WDR12: variants seen among roughly 807,000 people sequenced by gnomAD.
The protein encoded by WDR12 is WD repeat domain 12.
A neutral mutation model predicts 64.3 loss-of-function variants in WDR12; 42 were observed. The ratio of observed to expected loss-of-function variants is 0.65; its 90% CI spans 0.51 to 0.84. The LOEUF (loss-of-function observed/expected upper bound fraction) is 0.84, where lower values mean the gene tolerates loss of function less well. Ranked by LOEUF, WDR12 falls within the 40% of genes least tolerant of loss-of-function variation. The probability of loss-of-function intolerance (pLI) is 0.00; values close to 1 mark genes in which losing one functional copy is unlikely to be tolerated. For missense variants in WDR12, 469 were observed against 494.6 expected (o/e 0.95, Z 0.49); for synonymous variants, 158 against 173.3 (o/e 0.91, Z 0.70).
chr2:202,910,124 C>T (rs148418955), intron 1 of WDR12, among the ~76,000 whole-genome samples: 79 of 152,152 alleles, frequency 5.2e-4, no homozygotes, highest in African/African-American at 1.6e-3. Context: ...ATTTTTTTAC[C>T]TTTTGGAGGG....
At chr2:202,883,476 A>G in intron 11 of WDR12, 133 bp downstream of exon 11, 1 of 1,137,704 alleles carries the variant, frequency 8.8e-7, no homozygotes, top group South Asian at 1.7e-5. Context: ...GCATATCAGT[A>G]TTTGTCACAT....
intron 11 of WDR12, 166 bp from the exon 12 acceptor site, chr2:202,882,949 T>C (rs1687981602): frequency 5.4e-6 from 3 of 559,902 alleles, no homozygotes; most frequent in Non-Finnish European, 9.5e-6. Context: ...CTCTTTTTCC[T>C]GTATCATTGG....
intron 11 of WDR12, 101 bp downstream of exon 11, chr2:202,883,507 CT>C (rs1282075290): frequency 3.7e-6 from 5 of 1,346,194 alleles, no homozygotes; most frequent in Non-Finnish European, 3.0e-6. Flanking sequence ...AACCATGAGG[CT>C]TTTTTTACTC....
chr2:202,896,252 A>C (rs1358494792), intron 5 of WDR12, 33 bp from the exon 6 acceptor site: 2 of 1,603,770 alleles, frequency 1.2e-6, no homozygotes, highest in Admixed American at 3.4e-5. Flanking sequence ...ATAAGAAACA[A>C]ATCAGTATAC....
In WDR12 at chr2:202,874,630, A is replaced by G. The variant is rs184192321; in HGVS notation, c.*6230T>C. On this transcript the variant is annotated 3_prime_UTR_variant, in exon 13 of 13. Transcript: ENST00000261015. ...AATCTGACATCACACAAAAAGCTCTATTTCTTCAAGGCATTCCAGTTTCTT... is the reference window on the plus strand; with the variant it reads ...AATCTGACATCACACAAAAAGCTCTGTTTCTTCAAGGCATTCCAGTTTCTT... Among the ~76,000 whole-genome samples the G allele has an allele frequency of 7.1e-3, 1,079 of 152,308 alleles. 11 individuals are homozygous for G. The highest frequency in any genetic ancestry group is 0.012 in the Non-Finnish European group (793 of 68,024).
In WDR12 at chr2:202,879,535, C is replaced by T. The variant is rs764980301; in HGVS notation, c.*1325G>A. 2 of 152,234 alleles carry T rather than the reference C, an allele frequency of 1.3e-5. No individual in the cohort carries two copies. Among genetic ancestry groups the T allele is most frequent in the Non-Finnish European group, 2.9e-5 (2 of 68,126 alleles). 9.4% of individuals were successfully genotyped at this position (152,234 alleles called of 1,614,324 possible). On this transcript the variant is annotated 3_prime_UTR_variant, in exon 13 of 13. Coordinates refer to ENST00000261015, the MANE Select transcript of WDR12 (RefSeq NM_018256.4). ...TCCTGGGTTCAACCAATTCTCCTGC[C>T]TCAGCCTCCCAAGTACTTGGGACCA...
At chr2:202,899,954 T>C (rs1423746603) in intron 3 of WDR12, among the ~76,000 whole-genome samples, 1 of 152,190 alleles carries the variant, frequency 6.6e-6, no homozygotes, top group African/African-American at 2.4e-5. Flanking sequence ...AGCAAGACCC[T>C]GTCTCCTAAC....
In WDR12 at chr2:202,895,130, A is replaced by G. The variant is rs1688215496; in HGVS notation, c.610-504T>C. Among the ~76,000 whole-genome samples, 3 of 152,234 alleles carry G rather than the reference A, an allele frequency of 2.0e-5. No individual in the cohort carries two copies. The South Asian group carries it at 6.2e-4, about 32-fold the overall frequency. ...ACTTTTCGGCTCAATATGAAAAATC[A>G]TAAATCTTCACCTTTGAATACAAGC... On this transcript the variant is annotated intron_variant, in intron 6 of 12. Coordinates refer to ENST00000261015, the MANE Select transcript of WDR12 (RefSeq NM_018256.4).
chr2:202,895,730 A>G (rs1378206644), intron 6 of WDR12, among the ~76,000 whole-genome samples: 1 of 138,738 alleles, frequency 7.2e-6, no homozygotes, highest in Non-Finnish European at 1.5e-5. Context: ...GGGTTTCTCC[A>G]TGTGGGTCAG....
At chr2:202,886,234 A>C (rs1305049309) in intron 8 of WDR12, among the ~76,000 whole-genome samples, 1 of 149,796 alleles carries the variant, frequency 6.7e-6, no homozygotes, top group Non-Finnish European at 1.5e-5. Flanking sequence ...AGGTGGGTGG[A>C]TCACTTGAGC....
chr2:202,894,151 G>T (rs1688200124), intron 7 of WDR12, among the ~76,000 whole-genome samples: 1 of 151,826 alleles, frequency 6.6e-6, no homozygotes. Context: ...AGAAATATAT[G>T]AATTTGTTGC....
chr2:202,882,153 C>T (rs1488296201), intron 12 of WDR12, among the ~76,000 whole-genome samples: 1 of 152,018 alleles, frequency 6.6e-6, no homozygotes, highest in Non-Finnish European at 1.5e-5. Context: ...TGGTTTTGAA[C>T]TCCTGGGCTC....
rs377050803 is a variant in WDR12, at chr2:202,911,334, TG to T, written c.41+101del. 9.7e-5 allele frequency: 109 copies of T among 1,125,398 alleles called. No homozygotes were observed. The African/African-American group carries it at 1.6e-3, about 16-fold the overall frequency. 69.7% of individuals were successfully genotyped at this position (1,125,398 alleles called of 1,614,324 possible). ...AAGCAGGTAATCTCAGAAAAAAGGG[TG>T]GGGGTGACAGCAGAAACAACCAGGG... On this transcript the variant is annotated intron_variant, in intron 1 of 12. Coordinates refer to ENST00000261015, the MANE Select transcript of WDR12 (RefSeq NM_018256.4).
At chr2:202,891,013 A>AG (rs1378913766) in intron 8 of WDR12, among the ~76,000 whole-genome samples, 5 of 150,828 alleles carry the variant, frequency 3.3e-5, no homozygotes, top group Non-Finnish European at 7.4e-5. Flanking sequence ...AAAAAAAAAA[A>AG]AAAAGAGAAT....
In WDR12 at chr2:202,897,327, C is replaced by T. The variant is rs1381554762; in HGVS notation, c.427G>A (p.Val143Ile). The T allele has an allele frequency of 1.9e-6, 3 of 1,600,400 alleles. No homozygotes were observed. The African/African-American group carries it at 4.1e-5, about 22-fold the overall frequency. The change falls in exon 5 of 13, where the codon GTA becomes ATA. Residue 143 changes from valine (V) to isoleucine (I), a missense_variant. By Grantham distance (29) the Val-to-Ile change is conservative. Coordinates refer to ENST00000261015, the MANE Select transcript of WDR12 (RefSeq NM_018256.4). The part of the protein sequence containing the change: ...IMTIVGHTDV[V>I]KDVAWVKKDS... ...TTTTTCACCCAGGCCACATCTTTTA[C>T]AACATCCGTATGTCCCACAATTGTC...
intron 6 of WDR12, 94 bp downstream of exon 6, chr2:202,895,971 T>C (rs1350331557): frequency 1.4e-6 from 2 of 1,413,662 alleles, no homozygotes; most frequent in African/African-American, 2.9e-5. Context: ...GTTAGGAAAC[T>C]AGGCCAACAC....
intron 2 of WDR12, among the ~76,000 whole-genome samples, chr2:202,904,781 T>C (rs184421430): frequency 5.3e-5 from 8 of 152,180 alleles, no homozygotes; most frequent in Admixed American, 1.3e-4. Flanking sequence ...ATTTCTTGAG[T>C]AATACCACAC....
At position 202,882,712 on chromosome 2, in the gene WDR12, C is replaced by G; in HGVS notation, c.1193G>C (p.Gly398Ala). The change falls in exon 12 of 13, where the codon GGG (glycine) becomes GCG (alanine). Residue 398 changes from glycine (G) to alanine (A), a missense_variant and splice_region_variant. Physicochemically the swap from Gly to Ala is moderately conservative, Grantham distance 60. Coordinates refer to ENST00000261015, the MANE Select transcript of WDR12 (RefSeq NM_018256.4). ...ATCAAATAACTAATAAATTCTTACC[C>G]CTGTGTCTGTCCAGTCTACACTCAG... ...KVLSVDWTDTGLLLSGGADNK... is the reference protein window; with the variant it reads ...KVLSVDWTDTALLLSGGADNK... The G allele has an allele frequency of 6.2e-7, 1 of 1,613,330 alleles. No individual in the cohort carries two copies. Among genetic ancestry groups the G allele is most frequent in the Non-Finnish European group, 8.5e-7 (1 of 1,179,318 alleles).
At position 202,902,422 on chromosome 2, in the gene WDR12, G is replaced by A. The variant is rs139185914; in HGVS notation, c.137-1303C>T. On this transcript the variant is annotated intron_variant, in intron 2 of 12. Coordinates refer to ENST00000261015, the MANE Select transcript of WDR12 (RefSeq NM_018256.4). Reference sequence around the variant, plus strand: ...TGTGTCTGTGAAGGTGATGCCAAACGAGATGAACATTTGAGACAGTGGAAT... The same window carrying A: ...TGTGTCTGTGAAGGTGATGCCAAACAAGATGAACATTTGAGACAGTGGAAT... Among the ~76,000 whole-genome samples, 50 of 152,274 alleles carry A rather than the reference G, an allele frequency of 3.3e-4. 1 individual carries two copies. Among genetic ancestry groups the A allele is most frequent in the Admixed American group, 8.5e-4 (13 of 15,302 alleles).
Sources: allele counts gnomAD v4.1 joint callset (sites outside exome capture counted in the v4.1 genomes callset), GRCh38; gene constraint gnomAD v4.1.1; transcripts MANE v1.5; gene names NCBI Gene and HGNC (gene_info 2026-07-23, HGNC 2026-07-21).